RELN: variants seen among roughly 807,000 people sequenced by gnomAD.
RELN encodes reelin.
A neutral mutation model predicts 427.6 loss-of-function variants in RELN; 108 were observed. The ratio of observed to expected loss-of-function variants is 0.25; its 90% CI spans 0.22 to 0.30. RELN has a LOEUF of 0.30. Among genes scored for constraint, RELN ranks in the 10% least tolerant of loss-of-function variants. The probability of loss-of-function intolerance (pLI) is 1.00; values close to 1 mark genes in which losing one functional copy is unlikely to be tolerated. For synonymous variants in RELN, 1,524 were observed against 1,513.4 expected, an observed-to-expected ratio of 1.01 and a Z score of -0.16; for missense variants, 3,715 against 4,302.8, an observed-to-expected ratio of 0.86 and a Z score of 3.82.
intron 3 of RELN, among the ~76,000 whole-genome samples, chr7:103,792,141 G>C (rs1411375296): frequency 6.6e-6 from 1 of 152,136 alleles, no homozygotes; most frequent in Non-Finnish European, 1.5e-5. Context: ...TAGCCACTTT[G>C]GAAAACAGTT....
chr7:103,572,311 G>A, intron 30 of RELN, 51 bp from the exon 31 acceptor site: 4 of 982,576 alleles, frequency 4.1e-6, no homozygotes, highest in Non-Finnish European at 6.6e-6. Context: ...CAGAAGAGCT[G>A]TAAGCATTAG....
chr7:103,911,113 G>T (rs1319801003), intron 2 of RELN, among the ~76,000 whole-genome samples: 1 of 144,704 alleles, frequency 6.9e-6, no homozygotes, highest in Non-Finnish European at 1.5e-5. Context: ...ATCTGACAAA[G>T]GGCTAGTATC....
intron 1 of RELN, among the ~76,000 whole-genome samples, chr7:103,930,479 CT>C (rs199678620): frequency 1.3e-5 from 2 of 151,706 alleles, no homozygotes; most frequent in African/African-American, 4.8e-5. Context: ...GCATTTCTTT[CT>C]TTTTTGACAG....
intron 1 of RELN, among the ~76,000 whole-genome samples, chr7:103,934,342 A>G (rs1317694404): frequency 6.6e-6 from 1 of 152,154 alleles, no homozygotes; most frequent in Non-Finnish European, 1.5e-5. Flanking sequence ...TGCCTGCCAG[A>G]CACATTATTT....
intron 36 of RELN, among the ~76,000 whole-genome samples, chr7:103,560,345 G>A (rs2117175286): frequency 6.6e-6 from 1 of 152,276 alleles, no homozygotes; most frequent in East Asian, 1.9e-4. Context: ...GGCACATGCT[G>A]AGTCCTCTCT....
chr7:103,970,665 C>T (rs952062880), intron 1 of RELN, among the ~76,000 whole-genome samples: 1 of 152,078 alleles, frequency 6.6e-6, no homozygotes, highest in African/African-American at 2.4e-5. Flanking sequence ...AATGAACCAA[C>T]AACATATAGT....
At chr7:103,498,284 AAAAC>A in intron 53 of RELN, 32 bp from the exon 54 acceptor site, 2 of 1,211,592 alleles carry the variant, frequency 1.7e-6, no homozygotes, top group Non-Finnish European at 1.2e-6. Flanking sequence ...TGTGGTTAAA[AAAAC>A]AATTTCAGAT....
chr7:103,564,454 G>A (rs188303792), intron 34 of RELN, among the ~76,000 whole-genome samples: 2 of 152,206 alleles, frequency 1.3e-5, no homozygotes, highest in Admixed American at 6.5e-5. Context: ...GGGACACAGG[G>A]AGGAAGTGTT....
intron 2 of RELN, among the ~76,000 whole-genome samples, chr7:103,843,247 T>C (rs1031926324): frequency 1.3e-5 from 2 of 151,986 alleles, no homozygotes; most frequent in Non-Finnish European, 2.9e-5. Context: ...CTCTGTCACC[T>C]AGGCTCAGGT....
At chr7:103,925,262 C>A (rs1327806654) in intron 1 of RELN, among the ~76,000 whole-genome samples, 2 of 152,044 alleles carry the variant, frequency 1.3e-5, no homozygotes, top group Non-Finnish European at 2.9e-5. Context: ...TTTTACAATT[C>A]TCTACCCATT....
At chr7:103,782,298 T>C (rs1791911298) in intron 3 of RELN, among the ~76,000 whole-genome samples, 1 of 152,182 alleles carries the variant, frequency 6.6e-6, no homozygotes, top group African/African-American at 2.4e-5. Flanking sequence ...GAATTAAGCG[T>C]GCATTCTGCT....
intron 20 of RELN, 133 bp from the exon 21 acceptor site, chr7:103,611,936 G>C: frequency 1.4e-6 from 1 of 737,016 alleles, no homozygotes; most frequent in South Asian, 1.6e-5. Flanking sequence ...TTCTAGAATG[G>C]ATTTCGGTCA....
At chr7:103,717,243 C>T (rs1789960630) in intron 8 of RELN, among the ~76,000 whole-genome samples, 2 of 150,778 alleles carry the variant, frequency 1.3e-5, no homozygotes, top group African/African-American at 4.9e-5. Context: ...ATTACTTAAG[C>T]TAGGGCTTAA....
chr7:103,581,220 G>C (rs1228106012), intron 28 of RELN, among the ~76,000 whole-genome samples: 2 of 152,152 alleles, frequency 1.3e-5, no homozygotes, highest in African/African-American at 4.8e-5. Context: ...GTTCTCAGAG[G>C]AGGGAGCCCT....
At chr7:103,831,461 T>A (rs1432366966) in intron 3 of RELN, among the ~76,000 whole-genome samples, 4 of 151,632 alleles carry the variant, frequency 2.6e-5, no homozygotes, top group African/African-American at 9.7e-5. Flanking sequence ...TTAATTCAAA[T>A]AAGTATATAG....
intron 6 of RELN, among the ~76,000 whole-genome samples, chr7:103,728,890 G>T (rs542661334): frequency 1.3e-5 from 2 of 152,170 alleles, no homozygotes; most frequent in African/African-American, 4.8e-5. Context: ...TTTGGATACT[G>T]AGCTATTATG....
At chr7:103,658,329 ACAAT>A (rs1488048151) in intron 12 of RELN, among the ~76,000 whole-genome samples, 1 of 152,160 alleles carries the variant, frequency 6.6e-6, no homozygotes, top group Non-Finnish European at 1.5e-5. Flanking sequence ...ATCCAGATTA[ACAAT>A]CAGTCTGATT....
intron 28 of RELN, among the ~76,000 whole-genome samples, chr7:103,588,231 A>C (rs2117236064): frequency 6.6e-6 from 1 of 152,332 alleles, no homozygotes; most frequent in East Asian, 1.9e-4. Context: ...ACATGGATGG[A>C]ACCAGAGGCC....
chr7:103,900,904 G>A (rs1257219534), intron 2 of RELN, among the ~76,000 whole-genome samples: 1 of 151,736 alleles, frequency 6.6e-6, no homozygotes, highest in Non-Finnish European at 1.5e-5. Context: ...AGAAAACCTG[G>A]GCAATACCAT....
Sources: gnomAD v4.1 joint callset for allele counts (sites outside exome capture counted in the v4.1 genomes callset) on GRCh38, gnomAD v4.1.1 for gene constraint, MANE v1.5 for transcripts, NCBI Gene and HGNC (gene_info 2026-07-23, HGNC 2026-07-21) for gene names.